Variants in MTUS2 observed in about 807,000 individuals in gnomAD.
MTUS2 encodes microtubule associated scaffold protein 2.
In MTUS2, 40 loss-of-function variants were observed where a neutral mutation model predicts 114.1. The ratio of observed to expected loss-of-function variants is 0.35; its 90% CI spans 0.27 to 0.46. The LOEUF (loss-of-function observed/expected upper bound fraction) is 0.46, where lower values mean the gene tolerates loss of function less well. Ranked by LOEUF, MTUS2 falls within the 20% of genes least tolerant of loss-of-function variation. MTUS2 has a pLI of 1.00. For synonymous variants in MTUS2, 688 were observed against 672.0 expected (o/e 1.02, Z -0.37); for missense variants, 1,679 against 1,705.4 (o/e 0.98, Z 0.27).
chr13:29,160,865 C>T (rs1334961643), intron 5 of MTUS2, among the ~76,000 whole-genome samples: 2 of 152,104 alleles, frequency 1.3e-5, no homozygotes, highest in Non-Finnish European at 2.9e-5. Context: ...TACTGATAAA[C>T]ACAACAACCT....
chr13:29,008,341 T>C (rs896144360), intron 2 of MTUS2, among the ~76,000 whole-genome samples: 2 of 152,192 alleles, frequency 1.3e-5, no homozygotes, highest in African/African-American at 4.8e-5. Context: ...ACTTAATAAA[T>C]GCAATCAACC....
chr13:29,402,013 T>G (rs1055995980), intron 8 of MTUS2, among the ~76,000 whole-genome samples: 1 of 151,118 alleles, frequency 6.6e-6, no homozygotes, highest in Non-Finnish European at 1.5e-5. Context: ...AATACTTGAG[T>G]TGTGTGTGTG....
At chr13:29,392,077 G>A (rs1356911190) in intron 8 of MTUS2, among the ~76,000 whole-genome samples, 2 of 148,242 alleles carry the variant, frequency 1.3e-5, no homozygotes, top group Non-Finnish European at 3.0e-5. Context: ...GCAGTGAGCC[G>A]AGGTTGCACC....
intron 5 of MTUS2, among the ~76,000 whole-genome samples, chr13:29,149,280 A>T (rs1050458949): frequency 6.6e-6 from 1 of 152,110 alleles, no homozygotes; most frequent in East Asian, 1.9e-4. Context: ...GATCAATGAT[A>T]TTGAGCTTTT....
At chr13:28,852,955 A>G (rs1263492123) in intron 2 of MTUS2, among the ~76,000 whole-genome samples, 1 of 132,406 alleles carries the variant, frequency 7.6e-6, no homozygotes, top group African/African-American at 2.7e-5. Flanking sequence ...TTAAATACAT[A>G]CATACATACA....
At chr13:29,059,260 T>C (rs1376715490) in intron 4 of MTUS2, among the ~76,000 whole-genome samples, 1 of 150,170 alleles carries the variant, frequency 6.7e-6, no homozygotes, top group Non-Finnish European at 1.5e-5. Flanking sequence ...GCTTTTATCT[T>C]CTTCGATGCC....
At chr13:29,431,329 T>C (rs1196654140) in intron 8 of MTUS2, among the ~76,000 whole-genome samples, 1 of 152,238 alleles carries the variant, frequency 6.6e-6, no homozygotes, top group Non-Finnish European at 1.5e-5. Flanking sequence ...ATTGGAAATA[T>C]TTATTACTGG....
At chr13:29,487,063 G>A (rs1437318842) in intron 10 of MTUS2, among the ~76,000 whole-genome samples, 1 of 152,222 alleles carries the variant, frequency 6.6e-6, no homozygotes. Context: ...CACTACTTGC[G>A]ATTAAACTGC....
chr13:29,303,127 A>G (rs1327103854), intron 6 of MTUS2, among the ~76,000 whole-genome samples: 1 of 152,210 alleles, frequency 6.6e-6, no homozygotes, highest in East Asian at 1.9e-4. Flanking sequence ...AACAAAAAAG[A>G]CCCCACAAAA....
chr13:29,165,574 T>A (rs1384504442), intron 5 of MTUS2, among the ~76,000 whole-genome samples: 2 of 152,212 alleles, frequency 1.3e-5, no homozygotes, highest in African/African-American at 4.8e-5. Flanking sequence ...CAGTCCTTCT[T>A]TAATGGCTAA....
intron 2 of MTUS2, among the ~76,000 whole-genome samples, chr13:28,891,116 G>C (rs1878897389): frequency 6.6e-6 from 1 of 152,202 alleles, no homozygotes; most frequent in Admixed American, 6.5e-5. Context: ...ACGAAGCTAT[G>C]GGAGAAGAGA....
chr13:29,075,251 A>G (rs1942954436), intron 4 of MTUS2, among the ~76,000 whole-genome samples: 1 of 152,226 alleles, frequency 6.6e-6, no homozygotes, highest in Admixed American at 6.5e-5. Flanking sequence ...AACGGGAGGC[A>G]CACAGGGTTC....
chr13:29,289,115 C>T (rs1432898375), intron 6 of MTUS2, among the ~76,000 whole-genome samples: 1 of 152,180 alleles, frequency 6.6e-6, no homozygotes, highest in African/African-American at 2.4e-5. Flanking sequence ...TTCAGGGGCA[C>T]TGATGCTCAT....
chr13:28,946,308 C>T (rs576656530), intron 2 of MTUS2, among the ~76,000 whole-genome samples: 9,320 of 151,512 alleles, frequency 0.062, 966 homozygotes, highest in African/African-American at 0.21. Context: ...TGTGTGTGCG[C>T]GCGCACATAC....
chr13:29,438,297 A>G (rs1029960473), intron 8 of MTUS2, among the ~76,000 whole-genome samples: 3 of 152,220 alleles, frequency 2.0e-5, no homozygotes, highest in East Asian at 3.8e-4. Context: ...GGATGGAAGG[A>G]GAGAACTTCA....
chr13:29,454,031 G>T (rs1292658394), intron 9 of MTUS2, among the ~76,000 whole-genome samples: 2 of 152,212 alleles, frequency 1.3e-5, no homozygotes, highest in African/African-American at 2.4e-5. Context: ...TATATAAACT[G>T]CAGTGTATGT....
chr13:28,894,217 G>A (rs1357309595), intron 2 of MTUS2, among the ~76,000 whole-genome samples: 2 of 147,904 alleles, frequency 1.4e-5, no homozygotes, highest in Admixed American at 6.8e-5. Flanking sequence ...TTTAGATGAG[G>A]TCACATGAGG....
At chr13:29,396,434 A>G (rs959539789) in intron 8 of MTUS2, among the ~76,000 whole-genome samples, 3 of 152,234 alleles carry the variant, frequency 2.0e-5, no homozygotes, top group Admixed American at 6.5e-5. Context: ...GAATAAATTC[A>G]TGCCTTGAAA....
intron 5 of MTUS2, among the ~76,000 whole-genome samples, chr13:29,155,207 G>A (rs896793992): frequency 4.6e-5 from 7 of 152,202 alleles, no homozygotes; most frequent in Non-Finnish European, 7.3e-5. Flanking sequence ...CTCCGATAGC[G>A]CTAAGCATGC....
Sources: gnomAD v4.1 joint callset for allele counts (sites outside exome capture counted in the v4.1 genomes callset) on GRCh38, gnomAD v4.1.1 for gene constraint, MANE v1.5 for transcripts, NCBI Gene and HGNC (gene_info 2026-07-23, HGNC 2026-07-21) for gene names.